DIAPH2: variants seen among roughly 807,000 people sequenced by gnomAD.
DIAPH2 encodes diaphanous related formin 2, also known as protein diaphanous homolog 2.
In DIAPH2, 35 loss-of-function variants were observed where a neutral mutation model predicts 92.7. The observed-to-expected ratio is 0.38, with a 90% CI of 0.29 to 0.50. The LOEUF (loss-of-function observed/expected upper bound fraction) is 0.50. Ranked by LOEUF, DIAPH2 falls within the 20% of genes least tolerant of loss-of-function variation. The probability of loss-of-function intolerance (pLI) is 0.94; values close to 1 mark genes in which losing one functional copy is unlikely to be tolerated. For missense variants in DIAPH2, 701 were observed against 819.5 expected (o/e 0.86, Z 1.77); for synonymous variants, 301 against 280.4 (o/e 1.07, Z -0.73).
chrX:97,362,269 G>A (rs999275340), intron 24 of DIAPH2, among the ~76,000 whole-genome samples: 8 of 110,062 alleles, frequency 7.3e-5, no homozygotes, highest in Non-Finnish European at 1.3e-4. Context: ...AAAAAGACTG[G>A]CATTGCATGG....
At chrX:96,714,756 C>T (rs1009648409) in intron 1 of DIAPH2, among the ~76,000 whole-genome samples, 2 of 111,739 alleles carry the variant, frequency 1.8e-5, no homozygotes, top group African/African-American at 6.5e-5. Flanking sequence ...TAAATTGTAT[C>T]AATGTTCTTT....
At chrX:97,430,825 G>A (rs1238949701) in intron 26 of DIAPH2, among the ~76,000 whole-genome samples, 2 of 111,980 alleles carry the variant, frequency 1.8e-5, no homozygotes, top group Non-Finnish European at 3.8e-5. Context: ...GACAATATAT[G>A]TTATATTCAT....
intron 16 of DIAPH2, among the ~76,000 whole-genome samples, chrX:96,962,065 T>G (rs997882949): frequency 9.3e-6 from 1 of 107,217 alleles, no homozygotes; most frequent in Non-Finnish European, 1.9e-5. Context: ...TTAAATCCAA[T>G]GTTTATTTGT....
At chrX:96,812,411 T>C (rs1399747674) in intron 4 of DIAPH2, among the ~76,000 whole-genome samples, 2 of 112,056 alleles carry the variant, frequency 1.8e-5, no homozygotes, top group Non-Finnish European at 3.8e-5. Flanking sequence ...TCTTCTCTCT[T>C]TTCTTCTTTA....
chrX:96,895,874 T>C (rs1227863227), intron 5 of DIAPH2, among the ~76,000 whole-genome samples: 2 of 112,204 alleles, frequency 1.8e-5, no homozygotes, highest in African/African-American at 3.2e-5. Flanking sequence ...CCAATGTCTT[T>C]CATGTTGAGT....
chrX:97,555,342 A>G (rs1172762974), intron 26 of DIAPH2: 11 of 454,324 alleles, frequency 2.4e-5, no homozygotes, highest in Non-Finnish European at 3.0e-5. Flanking sequence ...CTAGGTCTGC[A>G]TTCTTCAGGA....
In DIAPH2 at chrX:96,944,331, T is replaced by TAAAC. The variant is rs758501193; in HGVS notation, c.1445-1179_1445-1176dup. 1.2e-3 allele frequency among the ~76,000 whole-genome samples: 139 copies of TAAAC among 111,956 alleles called. 1 individual carries two copies. The highest frequency in any genetic ancestry group is 4.3e-3 in the African/African-American group (134 of 31,003). ...TTCCTACTTTCCTCCTCAGTTGCTT[T>TAAAC]AAACAAACAAACAAACAAACCAGCT... On this transcript the variant is annotated intron_variant, in intron 13 of 26. Coordinates refer to ENST00000324765, the MANE Select transcript of DIAPH2 (RefSeq NM_006729.5).
intron 26 of DIAPH2, among the ~76,000 whole-genome samples, chrX:97,472,288 T>C (rs1263417372): frequency 3.6e-5 from 4 of 112,381 alleles, no homozygotes; most frequent in African/African-American, 9.7e-5. Context: ...AAAAACACTT[T>C]CAGGCTTTTC....
chrX:97,559,422 G>A (rs144159309), intron 26 of DIAPH2, among the ~76,000 whole-genome samples: 1,159 of 108,220 alleles, frequency 0.011, 20 homozygotes, highest in African/African-American at 0.037. Context: ...TCCAGGAGGC[G>A]GAGGTTACAG....
chrX:96,885,795 A>G (rs1257291142), intron 5 of DIAPH2, among the ~76,000 whole-genome samples: 1 of 111,781 alleles, frequency 8.9e-6, no homozygotes, highest in Non-Finnish European at 1.9e-5. Flanking sequence ...TGAAATTACA[A>G]TTTATTGTAG....
rs1044169234 is a variant in DIAPH2 at position 97,324,209 on chromosome X, C to T, written c.2845-23907C>T. Among the ~76,000 whole-genome samples, 4 of 111,871 alleles carry T rather than the reference C, an allele frequency of 3.6e-5. No homozygotes were observed. In the East Asian group the frequency reaches 8.4e-4, roughly 23 times the overall value. ...CTTCCACAGCAGGTGATGTGGGGCT[C>T]ATGAGAGGAGTGCCTTACTTACTCC... is the stretch of plus-strand genomic sequence containing the variant. On this transcript the variant is annotated intron_variant, in intron 23 of 26. Transcript: ENST00000324765.
intron 23 of DIAPH2, among the ~76,000 whole-genome samples, chrX:97,275,884 G>A (rs1164787272): frequency 1.8e-5 from 2 of 112,565 alleles, no homozygotes; most frequent in Non-Finnish European, 3.8e-5. Flanking sequence ...GTGGCGGCCG[G>A]GCAGAGGCTG....
chrX:96,799,884 A>G (rs233660), intron 4 of DIAPH2, among the ~76,000 whole-genome samples: 45,944 of 108,602 alleles, frequency 0.42, 8,334 homozygotes, highest in African/African-American at 0.71. Context: ...AAGATTATAT[A>G]TAAAATATAT....
intron 20 of DIAPH2, among the ~76,000 whole-genome samples, chrX:97,106,773 A>G (rs1237052088): frequency 9.0e-6 from 1 of 110,705 alleles, no homozygotes; most frequent in Non-Finnish European, 1.9e-5. Context: ...CTCTACTAAA[A>G]ATACAAAAAT....
chrX:97,548,231 G>A (rs759307831), intron 26 of DIAPH2, among the ~76,000 whole-genome samples: 74 of 111,835 alleles, frequency 6.6e-4, no homozygotes, highest in African/African-American at 2.2e-3. Flanking sequence ...TCTCTCTTGT[G>A]CACCTATGCA....
intron 19 of DIAPH2, among the ~76,000 whole-genome samples, chrX:97,083,869 A>G (rs768694749): frequency 3.1e-4 from 35 of 111,868 alleles, no homozygotes; most frequent in Non-Finnish European, 5.8e-4. Context: ...AGGAATGGAA[A>G]GTACTCATGT....
At chrX:96,974,888 C>T (rs1322673555) in intron 17 of DIAPH2, among the ~76,000 whole-genome samples, 1 of 111,147 alleles carries the variant, frequency 9.0e-6, no homozygotes, top group African/African-American at 3.3e-5. Context: ...ACTGCTAATT[C>T]TAATTAGAAT....
intron 26 of DIAPH2, among the ~76,000 whole-genome samples, chrX:97,443,939 G>A (rs938347386): frequency 6.3e-5 from 7 of 111,871 alleles, no homozygotes; most frequent in South Asian, 3.7e-4. Flanking sequence ...ATATGTTCTC[G>A]TCAGTCTTTG....
chrX:96,814,411 A>C (rs1464216103), intron 4 of DIAPH2, among the ~76,000 whole-genome samples: 1 of 111,518 alleles, frequency 9.0e-6, no homozygotes, highest in East Asian at 2.8e-4. Context: ...TGTTTATTCT[A>C]GTCAGCCATT....
Sources: gnomAD v4.1 joint callset for allele counts (sites outside exome capture counted in the v4.1 genomes callset) on GRCh38, gnomAD v4.1.1 for gene constraint, MANE v1.5 for transcripts, NCBI Gene and HGNC (gene_info 2026-07-23, HGNC 2026-07-21) for gene names.